Variants in NBN observed in about 807,000 individuals in gnomAD.
NBN encodes the protein Nijmegen breakage syndrome 1 (nibrin).
NBN carries 88 observed loss-of-function variants against 90.8 expected under a neutral mutation model. The observed-to-expected ratio is 0.97, with a 90% CI of 0.82 to 1.16. NBN has a LOEUF of 1.16. Among genes scored for constraint, NBN ranks in the 50% most tolerant of loss-of-function variants. The pLI is 0.00. For missense variants in NBN, 894 were observed against 869.6 expected (o/e 1.03, Z -0.35); for synonymous variants, 328 against 295.1 (o/e 1.11, Z -1.14).
intron 5 of NBN, among the ~76,000 whole-genome samples, chr8:89,976,401 T>C (rs116081274): frequency 4.2e-4 from 64 of 152,344 alleles, no homozygotes; most frequent in African/African-American, 1.5e-3. Flanking sequence ...CCAGATTCTT[T>C]TATACGGTGC....
intron 1 of NBN, chr8:89,984,300 G>C (rs1812223697): frequency 1.6e-6 from 1 of 610,442 alleles, no homozygotes; most frequent in African/African-American, 1.9e-5. Flanking sequence ...ACTGCCACCA[G>C]GGGGCGCCGC....
intron 5 of NBN, among the ~76,000 whole-genome samples, chr8:89,971,763 T>G (rs1482043567): frequency 6.6e-6 from 1 of 152,216 alleles, no homozygotes; most frequent in Non-Finnish European, 1.5e-5. Flanking sequence ...TCAGGAAATT[T>G]TTAAACTTAC....
Position 89,943,130 on chromosome 8 carries a change from C to T in NBN, c.2184+123G>A, listed in dbSNP as rs7840099. The T allele has an allele frequency of 0.34, 318,804 of 928,244 alleles. 55,784 individuals are homozygous for T. Among genetic ancestry groups the T allele is most frequent in the East Asian group, 0.48 (18,810 of 39,144 alleles). 57.5% of individuals were successfully genotyped at this position (928,244 alleles called of 1,614,324 possible). A position where few individuals can be genotyped will look rare whatever the true frequency, so the allele number is the denominator to read the frequency against. ...ATTAATGCTCTGTAACTCAGGAATG[C>T]TCCTGAATGAATGACTTTATGTCAC... On this transcript the variant is annotated intron_variant, in intron 14 of 15. Transcript: ENST00000265433.
rs876659305 is a variant in NBN at position 89,982,836 on chromosome 8, CAA to C, written c.55_56del (p.Leu19AspfsTer4). 1.9e-6 allele frequency: 3 copies of C among 1,613,354 alleles called. No individual in the cohort carries two copies. Among genetic ancestry groups the C allele is most frequent in the Non-Finnish European group, 2.5e-6 (3 of 1,179,590 alleles). On this transcript the variant is annotated frameshift_variant, in exon 2 of 16. Coordinates refer to ENST00000265433, the MANE Select transcript of NBN (RefSeq NM_002485.5). LOFTEE classifies it high-confidence loss of function. ...TTCCAACAACGTACTCAACGCCAGT[CAA>C]AAGTCTGTATGGTTCTCCTGAGATA... ...GPAGGEPYRLLTGVEYVVGRK... is the reference protein window; with the variant it reads ...GPAGGEPYRLXTGVEYVVGRK...
chr8:89,961,817 G>C (rs999067534), intron 8 of NBN, among the ~76,000 whole-genome samples: 1 of 152,154 alleles, frequency 6.6e-6, no homozygotes, highest in Non-Finnish European at 1.5e-5. Flanking sequence ...TAGTGGCATA[G>C]TGAAATATTA....
At chr8:89,974,587 G>A (rs546381540) in intron 5 of NBN, among the ~76,000 whole-genome samples, 34 of 152,276 alleles carry the variant, frequency 2.2e-4, no homozygotes, top group Non-Finnish European at 3.5e-4. Context: ...TATGTTTGCT[G>A]CAGGTCTCCT....
Position 89,955,280 on chromosome 8 carries a change from G to C in NBN, c.1397+3C>G, listed in dbSNP as rs876660481. The C allele has an allele frequency of 4.3e-6, 7 of 1,612,988 alleles. No individual in the cohort carries two copies. On this transcript the variant is annotated splice_donor_region_variant and intron_variant, in intron 10 of 15. Coordinates refer to ENST00000265433, the MANE Select transcript of NBN (RefSeq NM_002485.5). ...GACATGAGAGAAGTTATCAAAAACA[G>C]ACCTTTTTTTGGTAGACGGCTGAAA...
intron 13 of NBN, among the ~76,000 whole-genome samples, chr8:89,944,036 C>G (rs1353657890): frequency 6.6e-6 from 1 of 152,064 alleles, no homozygotes; most frequent in African/African-American, 2.4e-5. Flanking sequence ...TTATTTTCAC[C>G]CCTAAGCAGT....
At chr8:89,958,328 G>A (rs1389504088) in intron 9 of NBN, among the ~76,000 whole-genome samples, 2 of 152,204 alleles carry the variant, frequency 1.3e-5, no homozygotes, top group Non-Finnish European at 2.9e-5. Flanking sequence ...TATACAGTAC[G>A]CTATACCATG....
At chr8:89,957,307 C>T (rs11784904) in intron 9 of NBN, among the ~76,000 whole-genome samples, 1 of 151,864 alleles carries the variant, frequency 6.6e-6, no homozygotes, top group African/African-American at 2.4e-5. Context: ...TTGTTTTTAA[C>T]AAAAGTTTAA....
Position 89,934,391 on chromosome 8 carries a change from C to CTGTATTCACCAA in NBN, c.*1190_*1191insTTGGTGAATACA, listed in dbSNP as rs1222817303. On this transcript the variant is annotated 3_prime_UTR_variant, in exon 16 of 16. Coordinates refer to ENST00000265433, the MANE Select transcript of NBN (RefSeq NM_002485.5). ...ACCCAATTTCTGTTCCCTAGGAAGG[C>CTGTATTCACCAA]TGAGAAGCTTTTAAAAAAAGACCTT... is the stretch of plus-strand genomic sequence containing the variant. 1 of 232,914 alleles carries CTGTATTCACCAA rather than the reference C, an allele frequency of 4.3e-6. No individual in the cohort carries two copies. The highest frequency in any genetic ancestry group is 5.6e-5 in the Admixed American group (1 of 17,754). The allele number at this position is 232,914 out of a possible 1,614,324, so 14.4% of individuals were successfully genotyped here. A position where few individuals can be genotyped will look rare whatever the true frequency, so the allele number is the denominator to read the frequency against.
rs756208277 is a variant in NBN at position 89,955,372 on chromosome 8, C to G, written c.1308G>C (p.Leu436Phe). Residue 436 changes from leucine to phenylalanine, a missense_variant, in exon 10 of 16, where the codon TTG (leucine) becomes TTC (phenylalanine). Coordinates refer to ENST00000265433, the MANE Select transcript of NBN (RefSeq NM_002485.5). ...IPNYQLSPTK[L>F]PSINKSKDRA... is the part of the protein sequence containing the mutation. ...TATCTTTACTTTTATTTATACTTGG[C>G]AATTTAGTTGGTGAAAGCTGATAGT... 1 of 1,613,686 alleles carries G rather than the reference C, an allele frequency of 6.2e-7. No homozygotes were observed.
intron 8 of NBN, among the ~76,000 whole-genome samples, chr8:89,961,435 C>T (rs891744115): frequency 1.7e-4 from 26 of 152,072 alleles, no homozygotes; most frequent in African/African-American, 4.3e-4. Flanking sequence ...GAAGAAACTC[C>T]GGCTGGAATG....
intron 8 of NBN, among the ~76,000 whole-genome samples, chr8:89,959,994 A>G (rs971674757): frequency 6.6e-6 from 1 of 152,190 alleles, no homozygotes; most frequent in Non-Finnish European, 1.5e-5. Flanking sequence ...CCCTTGTTAG[A>G]CTGGTGTATC....
chr8:89,979,493 T>A (rs942833574), intron 4 of NBN, among the ~76,000 whole-genome samples: 12 of 152,186 alleles, frequency 7.9e-5, no homozygotes, highest in Non-Finnish European at 4.4e-5. Context: ...CAGTTTACAC[T>A]TCAGAAAATA....
intron 3 of NBN, 125 bp downstream of exon 3, chr8:89,981,250 C>A (rs1178966182): frequency 9.5e-7 from 1 of 1,050,404 alleles, no homozygotes; most frequent in East Asian, 2.4e-5. Context: ...GCACAGAGTC[C>A]AATACTGTGC....
rs1563579373 is a variant in NBN, at chr8:89,980,854, T to C, written c.360A>G (p.Leu120=). The change falls in exon 4 of 16, where the codon TTA becomes TTG. Residue 120 remains leucine (L), a synonymous_variant. Transcript: ENST00000265433. ...TTAAAGCAGTTTTCCCAGAGACATC[T>C]AAACAAGAAGAGCATGCAACCAAAG... ...YEPLVACSSC[L]DVSGKTALNQ... 3 of 1,612,422 alleles carry C rather than the reference T, an allele frequency of 1.9e-6. No homozygotes were observed. Among genetic ancestry groups the C allele is most frequent in the Non-Finnish European group, 2.5e-6 (3 of 1,178,816 alleles).
In NBN at chr8:89,982,866, T is replaced by A. The variant is rs770165601; in HGVS notation, c.38-11A>T. ...GTCTGTATGGTTCTCCTGAGATAAA[T>A]TTTTTTTTAAAAAAAGATAAGTTGA... On this transcript the variant is annotated splice_polypyrimidine_tract_variant and intron_variant, in intron 1 of 15. Coordinates refer to ENST00000265433, the MANE Select transcript of NBN (RefSeq NM_002485.5). The A allele has an allele frequency of 6.2e-7, 1 of 1,602,550 alleles. No homozygotes were observed. Among genetic ancestry groups the A allele is most frequent in the Admixed American group, 1.7e-5 (1 of 59,908 alleles).
chr8:89,955,182 C>A, intron 10 of NBN, 101 bp downstream of exon 10: 1 of 1,162,950 alleles, frequency 8.6e-7, no homozygotes, highest in Non-Finnish European at 1.3e-6. Context: ...GCAGCAGAAG[C>A]ATACTTAATC....
Sources: allele counts gnomAD v4.1 joint callset (sites outside exome capture counted in the v4.1 genomes callset), GRCh38; gene constraint gnomAD v4.1.1; transcripts MANE v1.5; gene names NCBI Gene and HGNC (gene_info 2026-07-23, HGNC 2026-07-21).